PTK2B: variants seen among roughly 807,000 people sequenced by gnomAD.
PTK2B encodes protein-tyrosine kinase 2-beta.
PTK2B carries 71 observed loss-of-function variants against 142.9 expected under a neutral mutation model. That is an observed-to-expected ratio of 0.50 (90% confidence interval 0.41 to 0.61). The LOEUF (loss-of-function observed/expected upper bound fraction) is 0.61. Ranked by LOEUF, PTK2B falls within the 20% of genes least tolerant of loss-of-function variation. PTK2B has a pLI of 0.00. For missense variants in PTK2B, 1,105 were observed against 1,320.4 expected (o/e 0.84, Z 2.53); for synonymous variants, 519 against 503.4 (o/e 1.03, Z -0.42).
upstream of PTK2B, chr8:27,311,258 G>T (rs769699621): frequency 4.7e-5 from 69 of 1,479,886 alleles, no homozygotes; most frequent in Non-Finnish European, 5.8e-5. Context: ...CGGCTCGGGC[G>T]CCCGGAACTT....
rs751867996 is a variant in PTK2B at position 27,437,727 on chromosome 8, C to A, written c.1528-38C>A. 16 of 1,570,816 alleles carry A rather than the reference C, an allele frequency of 1.0e-5. No homozygotes were observed. The South Asian group carries it at 1.7e-4, about 17-fold the overall frequency. On this transcript the variant is annotated intron_variant, in intron 17 of 30. Transcript: ENST00000346049. ...TGGTCCCCTGGCTCCATACTGGGAC[C>A]AACCAGGGGTCTTGATGGCACCTCC...
intron 1 of PTK2B, among the ~76,000 whole-genome samples, chr8:27,388,764 A>C (rs950733028): frequency 1.3e-5 from 2 of 152,248 alleles, no homozygotes; most frequent in African/African-American, 2.4e-5. Flanking sequence ...TCCTTCTCTC[A>C]GATTGCCAGT....
At chr8:27,443,674 C>T (rs932959237) in intron 22 of PTK2B, among the ~76,000 whole-genome samples, 2 of 152,222 alleles carry the variant, frequency 1.3e-5, no homozygotes, top group African/African-American at 4.8e-5. Context: ...CCTGCACTTC[C>T]TTAATGCTAT....
intron 30 of PTK2B, among the ~76,000 whole-genome samples, chr8:27,455,452 G>A (rs1012751511): frequency 1.3e-5 from 2 of 152,228 alleles, no homozygotes; most frequent in Non-Finnish European, 2.9e-5. Context: ...AGAAGGCTGA[G>A]GTGAGAGGAT....
intron 1 of PTK2B, among the ~76,000 whole-genome samples, chr8:27,385,747 G>C (rs1807309330): frequency 6.6e-6 from 1 of 152,092 alleles, no homozygotes; most frequent in African/African-American, 2.4e-5. Flanking sequence ...ACAAAAAATA[G>C]CTGGGTATGG....
intron 4 of PTK2B, among the ~76,000 whole-genome samples, 190 bp from the exon 5 acceptor site, chr8:27,422,114 A>C (rs1328730426): frequency 6.6e-6 from 1 of 152,210 alleles, no homozygotes; most frequent in Non-Finnish European, 1.5e-5. Flanking sequence ...AAAACCTCAC[A>C]GGCTCGGCCT....
intron 1 of PTK2B, among the ~76,000 whole-genome samples, chr8:27,377,014 T>C (rs1806712107): frequency 6.6e-6 from 1 of 152,128 alleles, no homozygotes; most frequent in Non-Finnish European, 1.5e-5. Context: ...ACATTTTCAC[T>C]CCTGCGTTTA....
At chr8:27,440,573 C>G (rs1430847543) in intron 21 of PTK2B, 132 bp downstream of exon 21, 4 of 1,056,322 alleles carry the variant, frequency 3.8e-6, no homozygotes, top group Admixed American at 2.4e-5. Context: ...GAGGCTGAAG[C>G]CAGGTTCACT....
intron 1 of PTK2B, among the ~76,000 whole-genome samples, chr8:27,360,998 TGA>T: frequency 6.6e-6 from 1 of 152,284 alleles, no homozygotes; most frequent in Non-Finnish European, 1.5e-5. Flanking sequence ...GGGGTACAAG[TGA>T]GAGTGATTTT....
chr8:27,417,558 T>G (rs2322713), intron 2 of PTK2B, among the ~76,000 whole-genome samples: 1 of 151,996 alleles, frequency 6.6e-6, no homozygotes, highest in Admixed American at 6.6e-5. Flanking sequence ...TTGTATAGCT[T>G]CAATTTATGC....
chr8:27,426,709 G>A (rs918242353), intron 5 of PTK2B, among the ~76,000 whole-genome samples: 3 of 152,184 alleles, frequency 2.0e-5, no homozygotes, highest in Non-Finnish European at 2.9e-5. Context: ...CCTGAGAGAA[G>A]GGCCATTTGG....
intron 8 of PTK2B, 170 bp from the exon 9 acceptor site, chr8:27,431,228 G>A: frequency 6.7e-7 from 1 of 1,501,562 alleles, no homozygotes; most frequent in African/African-American, 1.4e-5. Flanking sequence ...AGGTGGGCAG[G>A]ACAGGCAAGG....
intron 29 of PTK2B, 82 bp from the exon 30 acceptor site, chr8:27,454,449 C>T: frequency 1.9e-6 from 3 of 1,563,578 alleles, no homozygotes; most frequent in Middle Eastern, 2.1e-4. Flanking sequence ...CAAGCACCAC[C>T]CCAGGAGAGC....
rs2132213132 is a variant in PTK2B, at chr8:27,439,419, G to A, written c.1834+21G>A. The A allele has an allele frequency of 6.9e-6, 11 of 1,599,908 alleles. 1 individual carries two copies. In the East Asian group the frequency reaches 2.0e-4, roughly 29 times the overall value. On this transcript the variant is annotated intron_variant, in intron 20 of 30. Transcript: ENST00000346049. ...GTTCGGTGAGTGCTGATTTGGGAGG[G>A]CATGAAAAGGTGTTCAGATTCTCAC...
At chr8:27,336,538 A>C (rs567012049) in intron 1 of PTK2B, among the ~76,000 whole-genome samples, 57 of 152,350 alleles carry the variant, frequency 3.7e-4, no homozygotes, top group African/African-American at 1.3e-3. Context: ...GGCTGCTAAA[A>C]AAAAATTAAA....
chr8:27,365,762 G>C (rs1017081602), intron 1 of PTK2B, among the ~76,000 whole-genome samples: 3 of 152,118 alleles, frequency 2.0e-5, no homozygotes, highest in South Asian at 4.1e-4. Context: ...CTCCCTCCTA[G>C]AGGGCAAAAT....
chr8:27,398,220 G>A (rs549546454), intron 2 of PTK2B, among the ~76,000 whole-genome samples: 97 of 152,332 alleles, frequency 6.4e-4, no homozygotes, highest in African/African-American at 2.3e-3. Flanking sequence ...GCATGTACAG[G>A]AAGGCACTGG....
intron 1 of PTK2B, among the ~76,000 whole-genome samples, chr8:27,382,327 T>C (rs1807078350): frequency 6.6e-6 from 1 of 152,220 alleles, no homozygotes; most frequent in Non-Finnish European, 1.5e-5. Context: ...ATTGAGTTGT[T>C]TGAGTTCCTC....
At chr8:27,414,515 G>A (rs1422362899) in intron 2 of PTK2B, among the ~76,000 whole-genome samples, 1 of 145,724 alleles carries the variant, frequency 6.9e-6, no homozygotes, top group Non-Finnish European at 1.5e-5. Flanking sequence ...CAAAGTGTTG[G>A]GATTACAGGC....
Sources: gnomAD v4.1 joint callset for allele counts (sites outside exome capture counted in the v4.1 genomes callset) on GRCh38, gnomAD v4.1.1 for gene constraint, MANE v1.5 for transcripts, NCBI Gene and HGNC (gene_info 2026-07-23, HGNC 2026-07-21) for gene names.